The following CES5A variants were observed in gnomAD, a reference collection of about 807,000 sequenced individuals.
The protein encoded by CES5A is carboxylesterase 5.
Under a neutral mutation model 62.9 loss-of-function variants are expected in CES5A, and 67 were observed. The ratio of observed to expected loss-of-function variants is 1.07; its 90% CI spans 0.88 to 1.31. The LOEUF is 1.31. CES5A is among the 50% of genes most tolerant of loss of function. The pLI is 0.00. For synonymous variants in CES5A, 296 were observed against 280.8 expected (o/e 1.05, Z -0.54); for missense variants, 748 against 708.5 (o/e 1.06, Z -0.63).
At chr16:55,947,770 A>G (rs1197605750) in intron 2 of CES5A, among the ~76,000 whole-genome samples, 1 of 152,062 alleles carries the variant, frequency 6.6e-6, no homozygotes, top group Non-Finnish European at 1.5e-5. Context: ...GAGAACTTCA[A>G]GTAGGTCAGG....
At chr16:55,919,047 G>A (rs1455874392) in intron 1 of CES5A, among the ~76,000 whole-genome samples, 2 of 152,120 alleles carry the variant, frequency 1.3e-5, no homozygotes, top group African/African-American at 4.8e-5. Context: ...CATCCTACAG[G>A]ACCCCCTATC....
chr16:55,856,419 G>C lies in CES5A; in HGVS notation c.1083C>G (p.Gly361=). ...GATGGAGGGCAAGGGACTTGTTGGA[G>C]CCACTGAGGATCTCAGGAGCCTCCT... ...PMKEAPEILS[G]SNKSLALHLI... Residue 361 remains glycine, a synonymous_variant, in exon 9 of 13, where the codon GGC becomes GGG. Coordinates refer to ENST00000290567, the MANE Select transcript of CES5A (RefSeq NM_001143685.2). 6.2e-7 allele frequency: 1 copy of C among 1,614,114 alleles called. No individual in the cohort carries two copies. Among genetic ancestry groups the C allele is most frequent in the South Asian group, 1.1e-5 (1 of 91,078 alleles).
chr16:55,871,945 A>C, intron 2 of CES5A, 182 bp from the exon 3 acceptor site: 1 of 590,972 alleles, frequency 1.7e-6, no homozygotes, highest in East Asian at 3.0e-5. Context: ...ACAAGCAAGC[A>C]AATTATAATT....
At chr16:55,858,454 T>G (rs2033287296) in intron 8 of CES5A, among the ~76,000 whole-genome samples, 1 of 152,188 alleles carries the variant, frequency 6.6e-6, no homozygotes, top group Non-Finnish European at 1.5e-5. Flanking sequence ...CCTGCCTTCT[T>G]CTTTCTAACA....
At chr16:55,864,014 G>A (rs1391580489) in intron 5 of CES5A, among the ~76,000 whole-genome samples, 1 of 152,044 alleles carries the variant, frequency 6.6e-6, no homozygotes, top group Non-Finnish European at 1.5e-5. Context: ...CCAAAGTGCT[G>A]GGATGACAGG....
chr16:55,870,182 T>C (rs1340305044), intron 3 of CES5A, among the ~76,000 whole-genome samples: 2 of 152,068 alleles, frequency 1.3e-5, no homozygotes, highest in Non-Finnish European at 2.9e-5. Flanking sequence ...GAAACCATTG[T>C]AAGCCATGTA....
chr16:55,865,587 G>T (rs2033440558), intron 5 of CES5A, among the ~76,000 whole-genome samples: 1 of 152,116 alleles, frequency 6.6e-6, no homozygotes, highest in African/African-American at 2.4e-5. Flanking sequence ...ACATTTTATG[G>T]TTTAAATTAA....
upstream of CES5A, chr16:55,875,438 A>G (rs1293535469): frequency 2.5e-6 from 3 of 1,178,350 alleles, no homozygotes; most frequent in East Asian, 5.8e-5. Context: ...CTGATGATTA[A>G]CTATTGAGCT....
At chr16:55,953,561 C>A (rs2034579497) in intron 1 of CES5A, among the ~76,000 whole-genome samples, 2 of 151,374 alleles carry the variant, frequency 1.3e-5, no homozygotes, top group Admixed American at 1.3e-4. Context: ...GAAAAAAAAA[C>A]CTGAAAAATA....
At chr16:55,877,187 C>T (rs1055182182), upstream of CES5A, among the ~76,000 whole-genome samples, 7 of 152,160 alleles carry the variant, frequency 4.6e-5, no homozygotes, top group African/African-American at 1.7e-4. Context: ...CCATAACTCA[C>T]ACAGCCAGAC....
chr16:55,888,587 T>G (rs1273321673), intron 1 of CES5A, among the ~76,000 whole-genome samples: 1 of 152,250 alleles, frequency 6.6e-6, no homozygotes, highest in Non-Finnish European at 1.5e-5. Context: ...CCTGGGATTG[T>G]CTGCTAAATA....
intron 5 of CES5A, among the ~76,000 whole-genome samples, chr16:55,864,204 T>G (rs2142401270): frequency 6.6e-6 from 1 of 152,316 alleles, no homozygotes; most frequent in Non-Finnish European, 1.5e-5. Context: ...ATAATGGTTG[T>G]TATAATATAT....
chr16:55,952,628 G>T (rs1204180374), intron 1 of CES5A, among the ~76,000 whole-genome samples: 1 of 151,980 alleles, frequency 6.6e-6, no homozygotes, highest in Non-Finnish European at 1.5e-5. Flanking sequence ...AGAGAATTTA[G>T]ACCAAAACAT....
intron 1 of CES5A, among the ~76,000 whole-genome samples, chr16:55,898,795 A>G: frequency 6.6e-6 from 1 of 152,228 alleles, no homozygotes; most frequent in African/African-American, 2.4e-5. Flanking sequence ...CAGGAAGACC[A>G]GGGCATGGTG....
intron 1 of CES5A, among the ~76,000 whole-genome samples, chr16:55,884,864 T>C (rs556783147): frequency 6.6e-6 from 1 of 152,152 alleles, no homozygotes; most frequent in Non-Finnish European, 1.5e-5. Context: ...AGTGCTGGGA[T>C]TACAGGAGGG....
intron 2 of CES5A, among the ~76,000 whole-genome samples, chr16:55,946,656 G>C (rs2034497636): frequency 6.6e-6 from 1 of 152,172 alleles, no homozygotes; most frequent in Non-Finnish European, 1.5e-5. Context: ...TGGAAGATTG[G>C]TGTATCAGTC....
intron 2 of CES5A, 55 bp from the exon 3 acceptor site, chr16:55,871,818 G>A: frequency 6.3e-7 from 1 of 1,594,554 alleles, no homozygotes; most frequent in Admixed American, 1.7e-5. Flanking sequence ...AACTTGCCTG[G>A]GAAGGGCCAG....
intron 5 of CES5A, among the ~76,000 whole-genome samples, chr16:55,863,945 C>G (rs1324848385): frequency 6.6e-6 from 1 of 151,856 alleles, no homozygotes; most frequent in East Asian, 1.9e-4. Context: ...TTAGCAGAGA[C>G]GGGATTTCAC....
intron 2 of CES5A, among the ~76,000 whole-genome samples, chr16:55,938,605 C>T (rs561253708): frequency 2.9e-4 from 43 of 150,170 alleles, no homozygotes; most frequent in East Asian, 1.8e-3. Flanking sequence ...GGTATGGTGG[C>T]GGGTGCCTAT....
Sources: gnomAD v4.1 joint callset for allele counts (sites outside exome capture counted in the v4.1 genomes callset) on GRCh38, gnomAD v4.1.1 for gene constraint, MANE v1.5 for transcripts, NCBI Gene and HGNC (gene_info 2026-07-23, HGNC 2026-07-21) for gene names.